ATP7A: variants seen among roughly 807,000 people sequenced by gnomAD.
ATP7A encodes copper-transporting ATPase 1.
In ATP7A, 7 loss-of-function variants were observed where a neutral mutation model predicts 83.5. The ratio of observed to expected loss-of-function variants is 0.08; its 90% CI spans 0.05 to 0.16. ATP7A has a LOEUF of 0.16. Ranked by LOEUF, ATP7A falls within the 10% of genes least tolerant of loss-of-function variation. ATP7A has a pLI of 1.00. For missense variants in ATP7A, 940 were observed against 1,120.8 expected (o/e 0.84, Z 2.30); for synonymous variants, 354 against 395.2 (o/e 0.90, Z 1.24).
At chrX:77,912,737 C>T in intron 1 of ATP7A, among the ~76,000 whole-genome samples, 1 of 112,228 alleles carries the variant, frequency 8.9e-6, no homozygotes, top group Non-Finnish European at 1.9e-5. Flanking sequence ...GAATGAATAA[C>T]ATTTTCTGAA....
intron 1 of ATP7A, among the ~76,000 whole-genome samples, 176 bp downstream of exon 1, chrX:77,911,011 A>T (rs2077157063): frequency 8.9e-6 from 1 of 111,844 alleles, no homozygotes; most frequent in African/African-American, 3.3e-5. Flanking sequence ...CTAACAGGGG[A>T]TAGAGGAGGG....
chrX:77,955,847 ATT>A (rs200845953), intron 1 of ATP7A, among the ~76,000 whole-genome samples: 30 of 89,623 alleles, frequency 3.3e-4, no homozygotes, highest in African/African-American at 7.8e-4. Context: ...GACATCAACC[ATT>A]TTTTTTTTTT....
At chrX:78,036,697 A>G (rs981726833) in intron 17 of ATP7A, among the ~76,000 whole-genome samples, 1 of 111,275 alleles carries the variant, frequency 9.0e-6, no homozygotes, top group Non-Finnish European at 1.9e-5. Context: ...CCTGGCCAAC[A>G]TGGTGAAACC....
intron 6 of ATP7A, 77 bp downstream of exon 6, chrX:78,003,313 A>G: frequency 1.0e-6 from 1 of 998,866 alleles, no homozygotes; most frequent in Non-Finnish European, 1.4e-6. Context: ...AGTTGTGAAG[A>G]TAATTAAAGG....
At chrX:78,002,778 G>A (rs1023126634) in intron 5 of ATP7A, among the ~76,000 whole-genome samples, 7 of 98,765 alleles carry the variant, frequency 7.1e-5, no homozygotes, top group Non-Finnish European at 1.2e-4. Flanking sequence ...TGATAGGTAC[G>A]TCAAGTTTAT....
rs373634671 is a variant in ATP7A at position 77,989,846 on chromosome X, A to G, written c.1224A>G (p.Ile408Met). The G allele has an allele frequency of 2.2e-5, 27 of 1,209,033 alleles. No individual in the cohort carries two copies. The highest frequency in any genetic ancestry group is 2.2e-6 in the Non-Finnish European group (2 of 894,519). ...CAAAAAAGCCAGGTGTAAAATCCATACGAGTCTCCCTTGCAAATAGCAATG... is the reference window on the plus strand; with the variant it reads ...CAAAAAAGCCAGGTGTAAAATCCATGCGAGTCTCCCTTGCAAATAGCAATG... ...VISKKPGVKS[I>M]RVSLANSNGT... The change falls in exon 4 of 23, where the codon ATA becomes ATG. Residue 408 changes from isoleucine (I) to methionine (M), a missense_variant. Coordinates refer to ENST00000341514, the MANE Select transcript of ATP7A (RefSeq NM_000052.7).
At chrX:78,005,008 G>T (rs1413155068) in intron 6 of ATP7A, among the ~76,000 whole-genome samples, 1 of 112,065 alleles carries the variant, frequency 8.9e-6, no homozygotes, top group African/African-American at 3.2e-5. Flanking sequence ...TTGAGCCTGG[G>T]AGGTTGAGGC....
intron 16 of ATP7A, 69 bp downstream of exon 16, chrX:78,031,651 C>A: frequency 9.2e-7 from 1 of 1,090,199 alleles, no homozygotes; most frequent in South Asian, 1.8e-5. Context: ...CAAATCTAGT[C>A]TGGTGTTTGA....
intron 21 of ATP7A, among the ~76,000 whole-genome samples, chrX:78,043,764 T>G (rs1360379640): frequency 9.6e-6 from 1 of 104,246 alleles, no homozygotes; most frequent in East Asian, 3.1e-4. Context: ...TTCAAGCAGT[T>G]CTCCTGCCTC....
chrX:78,044,546 T>C (rs2078072266), intron 21 of ATP7A, among the ~76,000 whole-genome samples: 1 of 111,967 alleles, frequency 8.9e-6, no homozygotes, highest in Admixed American at 9.5e-5. Context: ...GTCTTTTTTT[T>C]ACTCTACATC....
Position 78,025,729 on chromosome X carries a change from G to A in ATP7A, c.2917-3521G>A, listed in dbSNP as rs2077939337. 1.8e-5 allele frequency among the ~76,000 whole-genome samples: 2 copies of A among 110,855 alleles called. 1 individual carries two copies. The highest frequency in any genetic ancestry group is 8.3e-3 in the Middle Eastern group (2 of 240). ...CAGAGCAAAACCCATCAGGCTAACA[G>A]CAGACTTCTCAGTGGAAATGTTACA... On this transcript the variant is annotated intron_variant, in intron 14 of 22. Transcript: ENST00000341514.
intron 1 of ATP7A, among the ~76,000 whole-genome samples, chrX:77,912,576 A>G (rs1000007438): frequency 1.8e-5 from 2 of 112,241 alleles, no homozygotes; most frequent in Non-Finnish European, 1.9e-5. Context: ...AAAAAAATAC[A>G]TGGAAATGAC....
At chrX:77,911,607 A>T (rs949595182) in intron 1 of ATP7A, among the ~76,000 whole-genome samples, 40 of 104,041 alleles carry the variant, frequency 3.8e-4, no homozygotes, top group African/African-American at 1.4e-3. Context: ...GGAGGGGGTG[A>T]TGCACAAGAA....
intron 1 of ATP7A, among the ~76,000 whole-genome samples, chrX:77,956,770 T>TCTTC (rs2077445442): frequency 9.7e-6 from 1 of 103,212 alleles, no homozygotes; most frequent in Non-Finnish European, 2.0e-5. Flanking sequence ...TTTCTTTCTT[T>TCTTC]CTTTCTTTCT....
intron 1 of ATP7A, among the ~76,000 whole-genome samples, chrX:77,961,981 G>A (rs782136560): frequency 8.9e-6 from 1 of 112,211 alleles, no homozygotes; most frequent in South Asian, 3.7e-4. Flanking sequence ...CTTCATGGGG[G>A]AAAAGAGATA....
chrX:77,936,466 G>C (rs140873546), intron 1 of ATP7A, among the ~76,000 whole-genome samples: 55 of 111,881 alleles, frequency 4.9e-4, no homozygotes, highest in African/African-American at 1.7e-3. Context: ...CCAGTTCTAT[G>C]GCATTAAGTA....
rs2078092910 is a variant in ATP7A, at chrX:78,048,023, A to G, written c.*1453A>G. ...CTGCATTTACCAAAAAATACAGTAA[A>G]ATCATAATACAGAAACTAAAATTTC... On this transcript the variant is annotated 3_prime_UTR_variant, in exon 23 of 23. Transcript: ENST00000341514. The G allele has an allele frequency of 8.9e-6, 1 of 112,454 alleles. No individual in the cohort carries two copies. Among genetic ancestry groups the G allele is most frequent in the African/African-American group, 3.2e-5 (1 of 30,990 alleles). The allele number at this position is 112,454 out of a possible 1,213,427, so 9.3% of individuals were successfully genotyped here. A position where few individuals can be genotyped will look rare whatever the true frequency, so the allele number is the denominator to read the frequency against.
At chrX:77,961,303 C>G (rs1191628609) in intron 1 of ATP7A, among the ~76,000 whole-genome samples, 1 of 111,797 alleles carries the variant, frequency 8.9e-6, no homozygotes, top group Non-Finnish European at 1.9e-5. Flanking sequence ...CCTCAGTAAG[C>G]CTGAGAGTTA....
At chrX:77,935,039 T>C (rs2077312676) in intron 1 of ATP7A, among the ~76,000 whole-genome samples, 1 of 109,958 alleles carries the variant, frequency 9.1e-6, no homozygotes, top group African/African-American at 3.3e-5. Context: ...CTTGAACTAC[T>C]GGGCTTGAGC....
Sources: gnomAD v4.1 joint callset for allele counts (sites outside exome capture counted in the v4.1 genomes callset) on GRCh38, gnomAD v4.1.1 for gene constraint, MANE v1.5 for transcripts, NCBI Gene and HGNC (gene_info 2026-07-23, HGNC 2026-07-21) for gene names.